The following SCN1A variants were observed in gnomAD, a reference collection of about 807,000 sequenced individuals.
The protein encoded by SCN1A is sodium voltage-gated channel alpha subunit 1, also known as sodium channel protein type 1 subunit alpha.
Under a neutral mutation model 193.7 loss-of-function variants are expected in SCN1A, and 13 were observed. The observed-to-expected ratio is 0.07, with a 90% confidence interval of 0.04 to 0.11. The LOEUF (loss-of-function observed/expected upper bound fraction) is 0.11. Among genes scored for constraint, SCN1A ranks in the 10% least tolerant of loss-of-function variants. The pLI is 1.00. For missense variants in SCN1A, 1,432 were observed against 2,451.1 expected (o/e 0.58, Z 8.78); for synonymous variants, 781 against 843.6 (o/e 0.93, Z 1.29).
At chr2:166,069,933 C>T (rs1684243189) in intron 4 of SCN1A, among the ~76,000 whole-genome samples, 1 of 152,056 alleles carries the variant, frequency 6.6e-6, no homozygotes. Context: ...TGTATGTGTA[C>T]CGCATTGTTT....
chr2:166,132,160 G>A (rs1691685925), upstream of SCN1A, among the ~76,000 whole-genome samples: 1 of 152,182 alleles, frequency 6.6e-6, no homozygotes, highest in Non-Finnish European at 1.5e-5. Flanking sequence ...TTCTGATGAA[G>A]TCGGGGAGTG....
At chr2:166,070,860 A>G (rs1042648206) in intron 4 of SCN1A, among the ~76,000 whole-genome samples, 5 of 152,168 alleles carry the variant, frequency 3.3e-5, no homozygotes, top group Non-Finnish European at 7.4e-5. Context: ...CAAAACATTC[A>G]TTTATTATTT....
At position 166,073,544 on chromosome 2, in the gene SCN1A, T is replaced by C. The variant is rs1684698107; in HGVS notation, c.78A>G (p.Glu26=). ...TTGCCTTTTCTTCTGCAATGCGTCT[T>C]TCAATAGCCGCAAGAGATTCTCTGG... ...FFTRESLAAI[E]RRIAEEKAKN... Residue 26 remains glutamate (E), a synonymous_variant, in exon 4 of 29, where the codon GAA becomes GAG. Coordinates refer to ENST00000674923, the MANE Select transcript of SCN1A (RefSeq NM_001165963.4). The C allele has an allele frequency of 6.2e-7, 1 of 1,614,064 alleles. No homozygotes were observed. The highest frequency in any genetic ancestry group is 1.7e-5 in the Admixed American group (1 of 60,010).
At chr2:166,107,005 T>A (rs1688765884) in intron 2 of SCN1A, among the ~76,000 whole-genome samples, 1 of 152,176 alleles carries the variant, frequency 6.6e-6, no homozygotes, top group African/African-American at 2.4e-5. Flanking sequence ...CATGTTTTTT[T>A]AAAATCACAG....
At chr2:166,125,911 T>C (rs933318795) in intron 2 of SCN1A, among the ~76,000 whole-genome samples, 1 of 152,196 alleles carries the variant, frequency 6.6e-6, no homozygotes, top group Non-Finnish European at 1.5e-5. Flanking sequence ...CTATTAGTAT[T>C]GGCAGCAAAA....
Position 165,991,061 on chromosome 2 carries a change from T to C in SCN1A, c.*184A>G. 1 of 602,592 alleles carries C rather than the reference T, an allele frequency of 1.7e-6. No individual in the cohort carries two copies. The highest frequency in any genetic ancestry group is 2.9e-6 in the Non-Finnish European group (1 of 345,158). The allele number at this position is 602,592 out of a possible 1,614,324, so 37.3% of individuals were successfully genotyped here. A position where few individuals can be genotyped will look rare whatever the true frequency, so the allele number is the denominator to read the frequency against. On this transcript the variant is annotated 3_prime_UTR_variant, in exon 29 of 29. Coordinates refer to ENST00000674923, the MANE Select transcript of SCN1A (RefSeq NM_001165963.4). ...AACCTCCTGTCAAGGTCATCTCCCC[T>C]TTACACAGAGTCACAGTTTGCTGAC...
At chr2:166,124,785 T>C (rs1277755382) in intron 2 of SCN1A, among the ~76,000 whole-genome samples, 1 of 152,138 alleles carries the variant, frequency 6.6e-6, no homozygotes, top group African/African-American at 2.4e-5. Context: ...ACTGCTTGGA[T>C]TCTGCCACTT....
chr2:166,008,425 AT>A (rs559114893), intron 23 of SCN1A, among the ~76,000 whole-genome samples: 5 of 150,946 alleles, frequency 3.3e-5, no homozygotes, highest in African/African-American at 7.3e-5. Context: ...CACAAATGAC[AT>A]TTTTTTTCTC....
chr2:166,143,029 G>C (rs12053295), intron 1 of SCN1A, among the ~76,000 whole-genome samples: 6,216 of 151,792 alleles, frequency 0.041, 718 homozygotes, highest in Admixed American at 0.24. Context: ...CCCAATCTTG[G>C]GTATGTCTTT....
At chr2:166,109,861 A>C (rs527945115) in intron 2 of SCN1A, among the ~76,000 whole-genome samples, 1 of 152,164 alleles carries the variant, frequency 6.6e-6, no homozygotes, top group East Asian at 1.9e-4. Flanking sequence ...TAACCCTACT[A>C]TGTGGGTGGT....
intron 22 of SCN1A, among the ~76,000 whole-genome samples, 190 bp from the exon 23 acceptor site, chr2:166,010,031 T>C (rs1456379972): frequency 1.3e-5 from 2 of 150,846 alleles, no homozygotes; most frequent in Admixed American, 1.3e-4. Context: ...TTTTAGGACA[T>C]TAATTAAAAG....
intron 2 of SCN1A, among the ~76,000 whole-genome samples, chr2:166,085,573 G>A (rs1193747863): frequency 1.3e-5 from 2 of 152,128 alleles, no homozygotes; most frequent in East Asian, 1.9e-4. Flanking sequence ...TAGAACCCAC[G>A]GGCAGCGGGG....
intron 2 of SCN1A, among the ~76,000 whole-genome samples, chr2:166,091,344 A>G (rs542576750): frequency 9.8e-4 from 149 of 152,280 alleles, no homozygotes; most frequent in African/African-American, 3.5e-3. Flanking sequence ...TCATTTAGCA[A>G]TTTTTAGAAA....
intron 16 of SCN1A, among the ~76,000 whole-genome samples, chr2:166,039,803 A>C (rs1385715912): frequency 6.6e-6 from 1 of 152,104 alleles, no homozygotes; most frequent in Non-Finnish European, 1.5e-5. Context: ...ATAATATACA[A>C]TTATTACTTT....
intron 1 of SCN1A, among the ~76,000 whole-genome samples, chr2:166,145,288 C>T (rs983957141): frequency 2.0e-5 from 3 of 151,008 alleles, no homozygotes; most frequent in Non-Finnish European, 2.9e-5. Flanking sequence ...CTGCCCGCTT[C>T]GGCCTCCCCA....
In SCN1A at chr2:165,998,109, A is replaced by T; in HGVS notation, c.4405T>A (p.Phe1469Ile). 1 of 1,605,926 alleles carries T rather than the reference A, an allele frequency of 6.2e-7. No homozygotes were observed. Among genetic ancestry groups the T allele is most frequent in the Non-Finnish European group, 8.5e-7 (1 of 1,174,172 alleles). Residue 1469 changes from phenylalanine to isoleucine, a missense_variant, in exon 26 of 29, where the codon TTT becomes ATT. By Grantham distance (21) the Phe-to-Ile change is conservative. Coordinates refer to ENST00000674923, the MANE Select transcript of SCN1A (RefSeq NM_001165963.4). ...AGGTTCAAGGTGAAGAAGGACCCAA[A>T]GATGATGAAAATAACAAAGTAAAGA... Reference protein sequence around the residue: ...MYLYFVIFIIFGSFFTLNLFI... With the variant: ...MYLYFVIFIIIGSFFTLNLFI...
intron 1 of SCN1A, among the ~76,000 whole-genome samples, chr2:166,137,112 C>G (rs1364275765): frequency 6.6e-6 from 1 of 152,152 alleles, no homozygotes; most frequent in Non-Finnish European, 1.5e-5. Context: ...TTCCAGGGCT[C>G]CAGCATTTGT....
Position 166,026,679 on chromosome 2 carries a change from CTTTTTTTTTTT to C in SCN1A, c.3429+9358_3429+9368del, listed in dbSNP as rs35750460. On this transcript the variant is annotated intron_variant, in intron 19 of 28. Coordinates refer to ENST00000674923, the MANE Select transcript of SCN1A (RefSeq NM_001165963.4). ...ATGGAATATTTCTCTTTCTTTCTTTCTTTTTTTTTTTTTTTTTTTTTTGAGACTGAGTCTTG... is the reference window on the plus strand; with the variant it reads ...ATGGAATATTTCTCTTTCTTTCTTTCTTTTTTTTTTTGAGACTGAGTCTTG... Among the ~76,000 whole-genome samples the C allele has an allele frequency of 1.3e-3, 129 of 97,692 alleles. 1 individual carries two copies. Among genetic ancestry groups the C allele is most frequent in the South Asian group, 0.01 (30 of 2,904 alleles). 64.1% of individuals were successfully genotyped at this position (97,692 alleles called of 152,430 possible). A position where few individuals can be genotyped will look rare whatever the true frequency, so the allele number is the denominator to read the frequency against.
At chr2:166,100,498 A>C (rs371934575) in intron 2 of SCN1A, among the ~76,000 whole-genome samples, 36 of 151,732 alleles carry the variant, frequency 2.4e-4, no homozygotes, top group East Asian at 1.4e-3. Flanking sequence ...GCAACAAAAG[A>C]CAAAATTGAC....
Sources: allele counts gnomAD v4.1 joint callset (sites outside exome capture counted in the v4.1 genomes callset), GRCh38; gene constraint gnomAD v4.1.1; transcripts MANE v1.5; gene names NCBI Gene and HGNC (gene_info 2026-07-23, HGNC 2026-07-21).